GLRX3: variants seen among roughly 807,000 people sequenced by gnomAD.
The protein encoded by GLRX3 is glutaredoxin-3.
A neutral mutation model predicts 49.5 loss-of-function variants in GLRX3; 22 were observed. That is an observed-to-expected ratio of 0.44 (90% CI 0.32 to 0.63). The LOEUF (loss-of-function observed/expected upper bound fraction) is 0.63. GLRX3 is among the 30% of genes least tolerant of loss of function. The probability of loss-of-function intolerance (pLI) is 0.05; values close to 1 mark genes in which losing one functional copy is unlikely to be tolerated. For missense variants in GLRX3, 385 were observed against 396.3 expected, an observed-to-expected ratio of 0.97 and a Z score of 0.24; for synonymous variants, 133 against 140.0, an observed-to-expected ratio of 0.95 and a Z score of 0.35.
chr10:130,170,996 C>T (rs1250159164), intron 7 of GLRX3, among the ~76,000 whole-genome samples: 8 of 151,926 alleles, frequency 5.3e-5, no homozygotes, highest in African/African-American at 1.7e-4. Context: ...GGCGTGGTGG[C>T]GCATGCCTAT....
At chr10:130,149,449 A>AC (rs968005735) in intron 2 of GLRX3, among the ~76,000 whole-genome samples, 22 of 152,158 alleles carry the variant, frequency 1.4e-4, no homozygotes, top group African/African-American at 5.1e-4. Context: ...CTCAAAAAAA[A>AC]AAAACAAAAC....
At chr10:130,144,142 C>T (rs952042270) in intron 1 of GLRX3, among the ~76,000 whole-genome samples, 1 of 152,152 alleles carries the variant, frequency 6.6e-6, no homozygotes, top group Non-Finnish European at 1.5e-5. Context: ...TTATGTCTCT[C>T]CATCACTATA....
intron 4 of GLRX3, among the ~76,000 whole-genome samples, chr10:130,164,035 A>G (rs796434307): frequency 5.9e-5 from 9 of 152,338 alleles, no homozygotes; most frequent in African/African-American, 1.7e-4. Flanking sequence ...TTTAAATTTT[A>G]TATCTAGAAA....
intron 4 of GLRX3, among the ~76,000 whole-genome samples, chr10:130,163,474 A>C (rs1862616568): frequency 6.6e-6 from 1 of 152,244 alleles, no homozygotes; most frequent in Non-Finnish European, 1.5e-5. Flanking sequence ...TATTATAGTT[A>C]TTTAATTAAT....
intron 2 of GLRX3, among the ~76,000 whole-genome samples, chr10:130,154,258 G>GA (rs1862433798): frequency 6.6e-6 from 1 of 152,190 alleles, no homozygotes. Flanking sequence ...CCTTGGCTAG[G>GA]AAAGGGAAAT....
At chr10:130,158,870 A>G (rs1368439134) in intron 2 of GLRX3, among the ~76,000 whole-genome samples, 2 of 152,168 alleles carry the variant, frequency 1.3e-5, no homozygotes, top group Admixed American at 6.5e-5. Context: ...TATTGTTGCA[A>G]AAGTGTTTTC....
intron 8 of GLRX3, among the ~76,000 whole-genome samples, chr10:130,171,964 C>CA (rs1020053821): frequency 3.3e-5 from 5 of 150,932 alleles, no homozygotes; most frequent in South Asian, 4.2e-4. Context: ...GACCCTGTCT[C>CA]AAAAAAAAGA....
chr10:130,174,984 G>C lies in GLRX3; in HGVS notation c.865-13G>C. Reference sequence around the variant, plus strand: ...CTGATAGGATGGTTTCAGGATTCCTGTTGTTTCTTTAGGTTCGGCAAGGAT... The same window carrying C: ...CTGATAGGATGGTTTCAGGATTCCTCTTGTTTCTTTAGGTTCGGCAAGGAT... On this transcript the variant is annotated splice_polypyrimidine_tract_variant and intron_variant, in intron 9 of 10. Transcript: ENST00000331244. The C allele has an allele frequency of 6.3e-7, 1 of 1,597,770 alleles. No homozygotes were observed. Among genetic ancestry groups the C allele is most frequent in the Admixed American group, 1.7e-5 (1 of 60,016 alleles).
intron 1 of GLRX3, among the ~76,000 whole-genome samples, chr10:130,137,476 G>T (rs549015053): frequency 1.3e-5 from 2 of 152,188 alleles, no homozygotes; most frequent in Non-Finnish European, 2.9e-5. Flanking sequence ...ATGTCGGATT[G>T]CCTGGGATCC....
intron 5 of GLRX3, 55 bp from the exon 6 acceptor site, chr10:130,166,861 AAGG>A (rs1198764665): frequency 8.8e-7 from 1 of 1,139,342 alleles, no homozygotes; most frequent in Non-Finnish European, 1.3e-6. Context: ...TGGTATGATC[AAGG>A]AGATTTATGT....
intron 1 of GLRX3, among the ~76,000 whole-genome samples, chr10:130,142,296 T>C (rs1862190132): frequency 6.6e-6 from 1 of 152,130 alleles, no homozygotes; most frequent in African/African-American, 2.4e-5. Flanking sequence ...GGATTTCAGG[T>C]AGCATCTCCC....
intron 7 of GLRX3, 28 bp from the exon 8 acceptor site, chr10:130,171,555 GT>G (rs1423873135): frequency 1.5e-6 from 2 of 1,313,352 alleles, no homozygotes; most frequent in Admixed American, 3.4e-5. Flanking sequence ...TACAAAAATT[GT>G]AATCTTTGCA....
At chr10:130,137,220 C>T (rs12259552) in intron 1 of GLRX3, among the ~76,000 whole-genome samples, 13,551 of 152,194 alleles carry the variant, frequency 0.089, 977 homozygotes, top group African/African-American at 0.2. Flanking sequence ...CGCCGGTGTC[C>T]AGGTCTTCAA....
At chr10:130,144,294 T>TTTC (rs2134874377) in intron 1 of GLRX3, among the ~76,000 whole-genome samples, 1 of 152,012 alleles carries the variant, frequency 6.6e-6, no homozygotes, top group African/African-American at 2.4e-5. Context: ...GGCTTTTTTT[T>TTTC]TTTTTTTTTC....
intron 8 of GLRX3, among the ~76,000 whole-genome samples, chr10:130,172,773 C>G (rs1025653445): frequency 2.6e-5 from 4 of 152,134 alleles, no homozygotes; most frequent in Non-Finnish European, 5.9e-5. Context: ...GAAACCCCGC[C>G]TCTACTAAAA....
intron 2 of GLRX3, among the ~76,000 whole-genome samples, chr10:130,157,390 A>G (rs551107117): frequency 8.9e-5 from 13 of 146,774 alleles, no homozygotes; most frequent in African/African-American, 2.8e-4. Context: ...AGGGAGGGAG[A>G]GAGAGAAAGA....
chr10:130,171,456 G>T (rs1862806679), intron 7 of GLRX3, 128 bp from the exon 8 acceptor site: 1 of 674,740 alleles, frequency 1.5e-6, no homozygotes, highest in East Asian at 2.7e-5. Context: ...CAGAAGCTCT[G>T]GGAGCTGAGT....
rs1177923050 is a variant in GLRX3, at chr10:130,170,388, A to G, written c.771+898A>G. Among the ~76,000 whole-genome samples the G allele has an allele frequency of 4.6e-5, 7 of 152,370 alleles. No homozygotes were observed. In the South Asian group the frequency reaches 1.4e-3, roughly 32 times the overall value. ...CTTCACAGGGCAGACTCTGGTTGCC[A>G]TAACTAGTGTATAAGTTAACATAAC... On this transcript the variant is annotated intron_variant, in intron 7 of 10. Transcript: ENST00000331244.
intron 1 of GLRX3, among the ~76,000 whole-genome samples, chr10:130,139,253 T>C (rs756373032): frequency 4.6e-5 from 7 of 152,162 alleles, no homozygotes; most frequent in Non-Finnish European, 8.8e-5. Flanking sequence ...GCACTTTCCT[T>C]AGTGACTAGT....
Sources: allele counts gnomAD v4.1 joint callset (sites outside exome capture counted in the v4.1 genomes callset), GRCh38; gene constraint gnomAD v4.1.1; transcripts MANE v1.5; gene names NCBI Gene and HGNC (gene_info 2026-07-23, HGNC 2026-07-21).